C11orf65: variants seen among roughly 807,000 people sequenced by gnomAD.
C11orf65 encodes chromosome 11 open reading frame 65, also known as protein MFI.
In C11orf65, 38 loss-of-function variants were observed where a neutral mutation model predicts 35.3. That is an observed-to-expected ratio of 1.08 (90% CI 0.83 to 1.41). The LOEUF (loss-of-function observed/expected upper bound fraction) is 1.41, where lower values mean the gene tolerates loss of function less well. C11orf65 is among the 40% of genes most tolerant of loss of function. C11orf65 has a pLI of 0.00. For missense variants in C11orf65, 370 were observed against 367.1 expected, an observed-to-expected ratio of 1.01 and a Z score of -0.06; for synonymous variants, 105 against 114.4, an observed-to-expected ratio of 0.92 and a Z score of 0.53.
chr11:108,384,773 C>CAAAACA (rs548524703), intron 8 of C11orf65, among the ~76,000 whole-genome samples: 1 of 151,634 alleles, frequency 6.6e-6, no homozygotes, highest in African/African-American at 2.4e-5. Context: ...GACCCTGTCT[C>CAAAACA]AAAACAAAAA....
In C11orf65 at chr11:108,353,759, A is replaced by T. The variant is rs2137284033; in HGVS notation, c.227-18467T>A. 3 of 1,589,392 alleles carry T rather than the reference A, an allele frequency of 1.9e-6. No individual in the cohort carries two copies. Among genetic ancestry groups the T allele is most frequent in the Non-Finnish European group, 2.6e-6 (3 of 1,157,474 alleles). The stretch of plus-strand genomic sequence containing the variant: ...ACCTCCTAACTTCACTGTATTCTTT[A>T]CTTTAGGTGTTGCTTTTGAACAGGG... On this transcript the variant is annotated intron_variant, in intron 2 of 3. Transcript: ENST00000524755.
At chr11:108,463,882 A>G (rs1015024798) in intron 1 of C11orf65, among the ~76,000 whole-genome samples, 1 of 152,074 alleles carries the variant, frequency 6.6e-6, no homozygotes. Flanking sequence ...GTTAGCACAA[A>G]TGAGATTAAG....
intron 7 of C11orf65, among the ~76,000 whole-genome samples, chr11:108,391,718 G>A (rs1591447292): frequency 1.3e-5 from 2 of 151,456 alleles, no homozygotes; most frequent in Admixed American, 1.3e-4. Flanking sequence ...CTCAGAAAGA[G>A]ACCCTGCACC....
In C11orf65 at chr11:108,319,991, T is replaced by C. The variant is rs876658542; in HGVS notation, c.641-10920A>G. 4 of 1,612,810 alleles carry C rather than the reference T, an allele frequency of 2.5e-6. No homozygotes were observed. Among genetic ancestry groups the C allele is most frequent in the Non-Finnish European group, 3.4e-6 (4 of 1,178,934 alleles). The stretch of plus-strand genomic sequence containing the variant: ...AGGAACCAGTTACCATGAATCATTG[T>C]ACAATGCTCTACAATCTCTAAGAGA... On this transcript the variant is annotated intron_variant, in intron 6 of 6. Coordinates refer to the C11orf65 transcript ENST00000525729.
chr11:108,346,018 AT>A (rs1256320026), intron 2 of C11orf65: 9 of 1,305,380 alleles, frequency 6.9e-6, no homozygotes, highest in Non-Finnish European at 8.8e-6. Context: ...GATGATAGTG[AT>A]GATGTGGTTA....
rs147507275 is a variant in C11orf65 at position 108,405,407 on chromosome 11, A to C, written c.560+22T>G. 5.4e-4 allele frequency: 864 copies of C among 1,605,580 alleles called. 15 individuals are homozygous for C. In the East Asian group the frequency reaches 0.019, roughly 36 times the overall value. On this transcript the variant is annotated intron_variant, in intron 6 of 8. Coordinates refer to ENST00000393084, the MANE Select transcript of C11orf65 (RefSeq NM_152587.5). Reference sequence around the variant, plus strand: ...TTCCCAAAATACTACGTATTTCCTTAGTAAGTGTTTCATCAACTTACATTT... The same window carrying C: ...TTCCCAAAATACTACGTATTTCCTTCGTAAGTGTTTCATCAACTTACATTT...
rs1467753179 is a variant in C11orf65, at chr11:108,440,645, T to C, written c.82-8807A>G. On this transcript the variant is annotated intron_variant, in intron 2 of 8. Transcript: ENST00000393084. Reference sequence around the variant, plus strand: ...GGCTAGCCTGGGATTCACTTCAGCATGGCAGTTTCAGGGCAGTTATCCTTC... The same window carrying C: ...GGCTAGCCTGGGATTCACTTCAGCACGGCAGTTTCAGGGCAGTTATCCTTC... Among the ~76,000 whole-genome samples the C allele has an allele frequency of 3.3e-5, 5 of 152,332 alleles. No homozygotes were observed. The South Asian group carries it at 6.2e-4, about 19-fold the overall frequency.
intron 2 of C11orf65, among the ~76,000 whole-genome samples, chr11:108,452,488 A>T (rs1333766615): frequency 2.0e-5 from 3 of 152,200 alleles, no homozygotes; most frequent in African/African-American, 7.2e-5. Context: ...ATCACTAAAA[A>T]GTCAGGAAAC....
intron 2 of C11orf65, chr11:108,355,729 G>A (rs1185831224): frequency 1.3e-5 from 2 of 152,194 alleles, no homozygotes; most frequent in Non-Finnish European, 2.9e-5. Flanking sequence ...TCTAGAGATG[G>A]GGCAGGAATA....
intron 1 of C11orf65, among the ~76,000 whole-genome samples, chr11:108,465,264 C>T (rs141894494): frequency 2.7e-4 from 41 of 152,246 alleles, no homozygotes; most frequent in African/African-American, 8.9e-4. Context: ...ACACCTGCTT[C>T]CTGCTTCTCT....
chr11:108,431,846 T>C lies in C11orf65; in HGVS notation c.82-8A>G. On this transcript the variant is annotated splice_region_variant and splice_polypyrimidine_tract_variant and intron_variant, in intron 2 of 8. Coordinates refer to ENST00000393084, the MANE Select transcript of C11orf65 (RefSeq NM_152587.5). The stretch of plus-strand genomic sequence containing the variant: ...TTGAAATATAGCGACATTCTAAAGG[T>C]TCAAACACAAGATTTCATGATCAAA... 2.1e-6 allele frequency: 3 copies of C among 1,441,994 alleles called. No homozygotes were observed. Among genetic ancestry groups the C allele is most frequent in the Non-Finnish European group, 2.8e-6 (3 of 1,065,434 alleles). 89.3% of individuals were successfully genotyped at this position (1,441,994 alleles called of 1,614,324 possible).
chr11:108,448,729 C>G (rs2093303831), intron 2 of C11orf65, among the ~76,000 whole-genome samples: 1 of 152,128 alleles, frequency 6.6e-6, no homozygotes, highest in African/African-American at 2.4e-5. Flanking sequence ...GGGCACAAGA[C>G]AGGATGCCCT....
chr11:108,407,616 A>G (rs1318691262), intron 3 of C11orf65, among the ~76,000 whole-genome samples: 1 of 151,612 alleles, frequency 6.6e-6, no homozygotes, highest in Non-Finnish European at 1.5e-5. Context: ...CACTGTGCTC[A>G]GCCATTAAAA....
chr11:108,342,986 G>A (rs1264018947), intron 2 of C11orf65, among the ~76,000 whole-genome samples: 1 of 152,158 alleles, frequency 6.6e-6, no homozygotes, highest in African/African-American at 2.4e-5. Flanking sequence ...GAGAATCGTG[G>A]GGATTGAGTG....
At chr11:108,353,702 T>TCTAA in intron 2 of C11orf65, 2 of 1,336,164 alleles carry the variant, frequency 1.5e-6, no homozygotes, top group Non-Finnish European at 2.2e-6. Context: ...AAGTTCACAT[T>TCTAA]CTAACTGGAA....
rs755973863 is a variant in C11orf65 at position 108,317,400 on chromosome 11, A to G, written c.641-8329T>C. 5.0e-6 allele frequency: 8 copies of G among 1,612,334 alleles called. No homozygotes were observed. Among genetic ancestry groups the G allele is most frequent in the Non-Finnish European group, 6.8e-6 (8 of 1,179,094 alleles). Reference sequence around the variant, plus strand: ...CTTGCAGAATTTGGGACTCTGCCATATTCTTTCCGTCTATTTAAAAGGATT... The same window carrying G: ...CTTGCAGAATTTGGGACTCTGCCATGTTCTTTCCGTCTATTTAAAAGGATT... On this transcript the variant is annotated intron_variant, in intron 6 of 6. Coordinates refer to the C11orf65 transcript ENST00000525729.
At chr11:108,325,002 T>C (rs2085504146) in intron 6 of C11orf65, among the ~76,000 whole-genome samples, 1 of 152,170 alleles carries the variant, frequency 6.6e-6, no homozygotes. Flanking sequence ...CTGATGAATA[T>C]GTTCTTGTTT....
intron 2 of C11orf65, among the ~76,000 whole-genome samples, chr11:108,373,358 G>C (rs2091624042): frequency 6.6e-6 from 1 of 152,134 alleles, no homozygotes; most frequent in African/African-American, 2.4e-5. Flanking sequence ...GGACATCTGT[G>C]AAAAACTTAC....
At chr11:108,455,406 C>T (rs944749617) in intron 2 of C11orf65, among the ~76,000 whole-genome samples, 4 of 151,994 alleles carry the variant, frequency 2.6e-5, no homozygotes, top group African/African-American at 9.7e-5. Context: ...GTTACAAACT[C>T]AACATACAAA....
Sources: allele counts gnomAD v4.1 joint callset (sites outside exome capture counted in the v4.1 genomes callset), GRCh38; gene constraint gnomAD v4.1.1; transcripts MANE v1.5; gene names NCBI Gene and HGNC (gene_info 2026-07-23, HGNC 2026-07-21).